Variants in TSHZ2 observed in about 807,000 individuals in gnomAD.
The protein encoded by TSHZ2 is teashirt homolog 2.
Under a neutral mutation model 74.4 loss-of-function variants are expected in TSHZ2, and 21 were observed. That is an observed-to-expected ratio of 0.28 (90% CI 0.20 to 0.41). TSHZ2 has a LOEUF of 0.41. Ranked by LOEUF, TSHZ2 falls within the 10% of genes least tolerant of loss-of-function variation. The pLI is 1.00. For missense variants in TSHZ2, 1,244 were observed against 1,293.5 expected, an observed-to-expected ratio of 0.96 and a Z score of 0.59; for synonymous variants, 540 against 515.3, an observed-to-expected ratio of 1.05 and a Z score of -0.65.
chr20:53,386,924 A>G (rs1982068734), intron 2 of TSHZ2, among the ~76,000 whole-genome samples: 1 of 151,440 alleles, frequency 6.6e-6, no homozygotes, highest in Non-Finnish European at 1.5e-5. Flanking sequence ...AGAAAATCAC[A>G]TCTGTTTCCT....
chr20:53,225,211 G>A (rs1291019030), intron 1 of TSHZ2, among the ~76,000 whole-genome samples: 2 of 152,224 alleles, frequency 1.3e-5, no homozygotes, highest in Non-Finnish European at 2.9e-5. Flanking sequence ...CTTCTTAAGG[G>A]AAAGAGACTA....
chr20:53,216,255 C>T (rs1010130129), intron 1 of TSHZ2, among the ~76,000 whole-genome samples: 1 of 152,200 alleles, frequency 6.6e-6, no homozygotes, highest in Non-Finnish European at 1.5e-5. Flanking sequence ...CTGTTGTCTT[C>T]CCCAGCCCTC....
At chr20:53,362,617 T>C (rs1339820028) in intron 2 of TSHZ2, among the ~76,000 whole-genome samples, 2 of 152,078 alleles carry the variant, frequency 1.3e-5, no homozygotes, top group Non-Finnish European at 2.9e-5. Context: ...GGCAATATTA[T>C]GAGAGGCATT....
At chr20:53,485,110 C>T (rs1014283841) in intron 2 of TSHZ2, among the ~76,000 whole-genome samples, 2 of 152,188 alleles carry the variant, frequency 1.3e-5, no homozygotes, top group Non-Finnish European at 2.9e-5. Context: ...TATTAAGTAG[C>T]ACTTCTCTAC....
chr20:53,153,569 T>G (rs1386408805), intron 1 of TSHZ2, among the ~76,000 whole-genome samples: 1 of 152,174 alleles, frequency 6.6e-6, no homozygotes, highest in East Asian at 1.9e-4. Context: ...AATGGTTCAA[T>G]GTCAGAACAG....
At chr20:53,334,414 G>A (rs1979856170) in intron 2 of TSHZ2, among the ~76,000 whole-genome samples, 1 of 152,128 alleles carries the variant, frequency 6.6e-6, no homozygotes. Flanking sequence ...AACAGCAAGT[G>A]CACAGGCCCT....
chr20:53,419,381 GA>G (rs1190187377), intron 2 of TSHZ2, among the ~76,000 whole-genome samples: 1 of 152,200 alleles, frequency 6.6e-6, no homozygotes, highest in African/African-American at 2.4e-5. Flanking sequence ...ATGAGGATGA[GA>G]GATAAGGTAT....
At position 53,027,895 on chromosome 20, in the gene TSHZ2, AAAAG is replaced by A. The variant is rs1193091332; in HGVS notation, c.40+54566_40+54569del. On this transcript the variant is annotated intron_variant, in intron 1 of 2. Coordinates refer to ENST00000371497, the MANE Select transcript of TSHZ2 (RefSeq NM_173485.6). ...GAGGGTGGTTAGATATTTTTTTTAA[AAAAG>A]AAAAGAATCCCAGTGGTCACCAGGT... 2.6e-5 allele frequency among the ~76,000 whole-genome samples: 4 copies of A among 152,122 alleles called. No homozygotes were observed. The East Asian group carries it at 5.8e-4, about 22-fold the overall frequency.
At chr20:53,353,857 C>T (rs1192604217) in intron 2 of TSHZ2, among the ~76,000 whole-genome samples, 1 of 152,176 alleles carries the variant, frequency 6.6e-6, no homozygotes, top group Non-Finnish European at 1.5e-5. Context: ...TAGTCTTTAA[C>T]ATGAACTTTT....
Position 53,364,537 on chromosome 20 carries a change from C to T in TSHZ2, c.*8+107966C>T, listed in dbSNP as rs537765215. 4.8e-4 allele frequency among the ~76,000 whole-genome samples: 73 copies of T among 152,338 alleles called. 2 individuals are homozygous for T. In the South Asian group the frequency reaches 0.015, roughly 31 times the overall value. ...CACAGATTAGGATTACCCAGCCCCA[C>T]TTGTCCAGCCAGTTTTCTCTTCTTC... On this transcript the variant is annotated intron_variant, in intron 2 of 2. Coordinates refer to ENST00000371497, the MANE Select transcript of TSHZ2 (RefSeq NM_173485.6).
intron 2 of TSHZ2, among the ~76,000 whole-genome samples, chr20:53,361,034 A>C (rs1468799940): frequency 1.3e-5 from 2 of 152,128 alleles, no homozygotes; most frequent in Non-Finnish European, 1.5e-5. Context: ...CACGTGCTGA[A>C]TTCTCCACAT....
Position 53,357,038 on chromosome 20 carries a change from C to A in TSHZ2, c.*8+100467C>A, listed in dbSNP as rs753965319. On this transcript the variant is annotated intron_variant, in intron 2 of 2. Transcript: ENST00000371497. ...TCACTATCATAATAATTTTTTAAATCCCTAAAACACAAAAATCAAAACCAA... is the reference window on the plus strand; with the variant it reads ...TCACTATCATAATAATTTTTTAAATACCTAAAACACAAAAATCAAAACCAA... Among the ~76,000 whole-genome samples, 3 of 152,138 alleles carry A rather than the reference C, an allele frequency of 2.0e-5. No homozygotes were observed. The East Asian group carries it at 5.8e-4, about 29-fold the overall frequency.
At chr20:53,012,311 C>A (rs1321953091) in intron 1 of TSHZ2, among the ~76,000 whole-genome samples, 1 of 152,110 alleles carries the variant, frequency 6.6e-6, no homozygotes, top group African/African-American at 2.4e-5. Context: ...CAGTTAGCCA[C>A]CAATCGGCCT....
chr20:53,477,903 C>A (rs1413563108), intron 2 of TSHZ2, among the ~76,000 whole-genome samples: 4 of 151,204 alleles, frequency 2.6e-5, no homozygotes, highest in East Asian at 3.9e-4. Context: ...CAACAGACAC[C>A]TGAAAAAATG....
At chr20:53,037,314 T>G (rs1360237574) in intron 1 of TSHZ2, among the ~76,000 whole-genome samples, 1 of 152,176 alleles carries the variant, frequency 6.6e-6, no homozygotes, top group Non-Finnish European at 1.5e-5. Flanking sequence ...TGTACAAAAG[T>G]GAAATCCCTA....
chr20:53,218,022 C>A (rs1794114049), intron 1 of TSHZ2, among the ~76,000 whole-genome samples: 2 of 152,228 alleles, frequency 1.3e-5, no homozygotes, highest in African/African-American at 4.8e-5. Flanking sequence ...AGGAGACTGG[C>A]TAGCCCAACA....
chr20:53,076,058 C>T (rs1985354706), intron 1 of TSHZ2, among the ~76,000 whole-genome samples: 1 of 152,308 alleles, frequency 6.6e-6, no homozygotes, highest in Middle Eastern at 3.4e-3. Context: ...GACCCTAGGA[C>T]ACTTTTCACT....
At chr20:53,270,290 CTGAT>C (rs2123758086) in intron 2 of TSHZ2, among the ~76,000 whole-genome samples, 1 of 152,266 alleles carries the variant, frequency 6.6e-6, no homozygotes, top group Admixed American at 6.5e-5. Flanking sequence ...GAGTTAATGA[CTGAT>C]GTGGAGTACC....
chr20:53,489,412 A>C lies in TSHZ2; in HGVS notation c.*2277A>C. 2.9e-6 allele frequency: 1 copy of C among 345,332 alleles called. No homozygotes were observed. The highest frequency in any genetic ancestry group is 5.7e-6 in the Non-Finnish European group (1 of 175,762). The allele number at this position is 345,332 out of a possible 1,614,324, so 21.4% of individuals were successfully genotyped here. A position where few individuals can be genotyped will look rare whatever the true frequency, so the allele number is the denominator to read the frequency against. On this transcript the variant is annotated 3_prime_UTR_variant, in exon 3 of 3. Transcript: ENST00000371497. ...AGGAAATTCTATTAAAGGAAAATCA[A>C]TGCATTAGTATTGGGGTTCTCGTAG...
Sources: allele counts gnomAD v4.1 joint callset (sites outside exome capture counted in the v4.1 genomes callset), GRCh38; gene constraint gnomAD v4.1.1; transcripts MANE v1.5; gene names NCBI Gene and HGNC (gene_info 2026-07-23, HGNC 2026-07-21).